Variants in DYNC1I1 observed in about 807,000 individuals in gnomAD.
The protein encoded by DYNC1I1 is cytoplasmic dynein 1 intermediate chain 1.
A neutral mutation model predicts 86.6 loss-of-function variants in DYNC1I1; 43 were observed. The ratio of observed to expected loss-of-function variants is 0.50; its 90% CI spans 0.39 to 0.64. The LOEUF (loss-of-function observed/expected upper bound fraction) is 0.64. DYNC1I1 is among the 30% of genes least tolerant of loss of function. The pLI, the probability that DYNC1I1 is intolerant of heterozygous loss-of-function variation, is 0.00. For synonymous variants in DYNC1I1, 262 were observed against 283.7 expected, an observed-to-expected ratio of 0.92 and a Z score of 0.77; for missense variants, 604 against 788.8, an observed-to-expected ratio of 0.77 and a Z score of 2.81.
intron 5 of DYNC1I1, among the ~76,000 whole-genome samples, chr7:95,858,450 A>G (rs1164925677): frequency 6.6e-6 from 1 of 152,188 alleles, no homozygotes; most frequent in African/African-American, 2.4e-5. Flanking sequence ...GAAAGAGTAC[A>G]CTCTAAAATA....
chr7:95,846,562 T>G (rs1413326776), intron 5 of DYNC1I1, among the ~76,000 whole-genome samples: 1 of 151,930 alleles, frequency 6.6e-6, no homozygotes, highest in East Asian at 1.9e-4. Flanking sequence ...AAGTCAACCA[T>G]CAAGCTGTTT....
intron 14 of DYNC1I1, 60 bp from the exon 15 acceptor site, chr7:96,075,997 T>A: frequency 2.5e-6 from 4 of 1,587,404 alleles, no homozygotes; most frequent in Non-Finnish European, 3.4e-6. Context: ...AATTAGGCTC[T>A]CTAGACAGCC....
chr7:95,940,472 T>G (rs1792178445), intron 6 of DYNC1I1, among the ~76,000 whole-genome samples: 1 of 152,236 alleles, frequency 6.6e-6, no homozygotes, highest in Non-Finnish European at 1.5e-5. Context: ...CATAGTCCCA[T>G]ATTTCTTGGA....
chr7:96,031,156 C>G (rs1291063547), intron 11 of DYNC1I1, among the ~76,000 whole-genome samples: 1 of 152,188 alleles, frequency 6.6e-6, no homozygotes, highest in Non-Finnish European at 1.5e-5. Context: ...ACCCAGGTTT[C>G]TATATTCTGC....
intron 6 of DYNC1I1, among the ~76,000 whole-genome samples, chr7:95,917,441 A>G (rs6952893): frequency 3.3e-5 from 5 of 152,028 alleles, no homozygotes; most frequent in Admixed American, 3.3e-4. Context: ...TACAGCGTCA[A>G]GTCGAACTTT....
At chr7:95,941,798 C>T (rs1381725920) in intron 6 of DYNC1I1, among the ~76,000 whole-genome samples, 4 of 152,180 alleles carry the variant, frequency 2.6e-5, no homozygotes, top group Non-Finnish European at 4.4e-5. Flanking sequence ...ACACACAGTG[C>T]ACTGCACCCA....
rs559144836 is a variant in DYNC1I1, at chr7:96,063,099, G to A, written c.1510-12958G>A. On this transcript the variant is annotated intron_variant, in intron 14 of 16. Coordinates refer to ENST00000447467, the MANE Select transcript of DYNC1I1 (RefSeq NM_001135556.2). ...TATATGTGTATGTGTGTGTGTGTGT[G>A]TATATATATGTGTGTGTGTGTGTGT... 9.0e-4 allele frequency among the ~76,000 whole-genome samples: 126 copies of A among 139,760 alleles called. 1 individual carries two copies. Among genetic ancestry groups the A allele is most frequent in the South Asian group, 2.2e-3 (9 of 4,182 alleles). The allele number at this position is 139,760 out of a possible 152,430, so 91.7% of individuals were successfully genotyped here.
rs548207934 is a variant in DYNC1I1 at position 96,076,258 on chromosome 7, G to A, written c.1650+61G>A. 216 of 1,589,974 alleles carry A rather than the reference G, an allele frequency of 1.4e-4. 6 individuals are homozygous for A. In the South Asian group the frequency reaches 2.2e-3, roughly 16 times the overall value. ...GGGAGGGGGGCGCAGTCGGCCACTC[G>A]CAGTCTCTCCCTCTTTCTCCAAAAC... On this transcript the variant is annotated intron_variant, in intron 15 of 16. Coordinates refer to ENST00000447467, the MANE Select transcript of DYNC1I1 (RefSeq NM_001135556.2).
At chr7:95,868,109 GC>G (rs1446180769) in intron 5 of DYNC1I1, among the ~76,000 whole-genome samples, 2 of 152,174 alleles carry the variant, frequency 1.3e-5, no homozygotes, top group African/African-American at 4.8e-5. Context: ...CTCAGCCTGG[GC>G]CCAGCCTGGA....
chr7:96,056,686 A>C (rs561334057), intron 14 of DYNC1I1, among the ~76,000 whole-genome samples: 67 of 152,126 alleles, frequency 4.4e-4, no homozygotes, highest in African/African-American at 1.3e-3. Context: ...TACTCTCTCT[A>C]TATATATCTA....
chr7:96,006,247 G>A (rs1794139068), intron 10 of DYNC1I1, among the ~76,000 whole-genome samples: 1 of 152,166 alleles, frequency 6.6e-6, no homozygotes. Flanking sequence ...GGGAATGGAT[G>A]ATGACTTGGC....
At chr7:95,851,457 T>A (rs751191105) in intron 5 of DYNC1I1, among the ~76,000 whole-genome samples, 10 of 152,192 alleles carry the variant, frequency 6.6e-5, no homozygotes, top group Non-Finnish European at 1.2e-4. Flanking sequence ...TAGATCACAG[T>A]TGACTGTGGG....
intron 1 of DYNC1I1, among the ~76,000 whole-genome samples, chr7:95,785,560 T>C (rs1794109120): frequency 6.6e-6 from 1 of 151,894 alleles, no homozygotes; most frequent in African/African-American, 2.4e-5. Context: ...ACTCTGACGG[T>C]TTTTATAATC....
At chr7:95,843,647 TG>T (rs1789349320) in intron 5 of DYNC1I1, among the ~76,000 whole-genome samples, 2 of 152,226 alleles carry the variant, frequency 1.3e-5, no homozygotes, top group African/African-American at 4.8e-5. Flanking sequence ...GTTAACTATG[TG>T]ATTAGCAAAG....
At chr7:95,811,680 G>T (rs1364512428) in intron 3 of DYNC1I1, among the ~76,000 whole-genome samples, 1 of 152,076 alleles carries the variant, frequency 6.6e-6, no homozygotes, top group African/African-American at 2.4e-5. Context: ...GCCCCAATAA[G>T]ATTAGATTCT....
intron 1 of DYNC1I1, among the ~76,000 whole-genome samples, chr7:95,777,135 T>A (rs1793862628): frequency 6.6e-6 from 1 of 152,122 alleles, no homozygotes; most frequent in African/African-American, 2.4e-5. Flanking sequence ...CCTCAAGAAA[T>A]ATGTTCACAC....
chr7:95,824,686 G>A (rs1795166162), intron 4 of DYNC1I1, among the ~76,000 whole-genome samples: 1 of 152,174 alleles, frequency 6.6e-6, no homozygotes, highest in Non-Finnish European at 1.5e-5. Flanking sequence ...ATGTTAAAGG[G>A]CCTTAAGGCC....
chr7:95,898,906 T>G (rs1307597662), intron 6 of DYNC1I1, among the ~76,000 whole-genome samples: 1 of 152,228 alleles, frequency 6.6e-6, no homozygotes, highest in Non-Finnish European at 1.5e-5. Context: ...GAATCTCTTT[T>G]TTTAAAAATA....
Position 95,902,397 on chromosome 7 carries a change from AC to A in DYNC1I1, c.490+32400del, listed in dbSNP as rs1418135827. Among the ~76,000 whole-genome samples the A allele has an allele frequency of 3.3e-5, 5 of 152,156 alleles. No individual in the cohort carries two copies. In the East Asian group the frequency reaches 9.6e-4, roughly 29 times the overall value. Reference sequence around the variant, plus strand: ...TATATTTAAATGCCCCCTTTGCTACACTGGTTTTAGCTTCTTGTTAGCATCA... The same window carrying A: ...TATATTTAAATGCCCCCTTTGCTACATGGTTTTAGCTTCTTGTTAGCATCA... On this transcript the variant is annotated intron_variant, in intron 6 of 16. Transcript: ENST00000447467.
Sources: allele counts gnomAD v4.1 joint callset (sites outside exome capture counted in the v4.1 genomes callset), GRCh38; gene constraint gnomAD v4.1.1; transcripts MANE v1.5; gene names NCBI Gene and HGNC (gene_info 2026-07-23, HGNC 2026-07-21).